Variants in ZCCHC2 observed in about 807,000 individuals in gnomAD.
ZCCHC2 encodes the protein zinc finger CCHC domain-containing protein 2.
Under a neutral mutation model 103.6 loss-of-function variants are expected in ZCCHC2, and 39 were observed. That is an observed-to-expected ratio of 0.38 (90% CI 0.29 to 0.49). The LOEUF (loss-of-function observed/expected upper bound fraction) is 0.49, where lower values mean the gene tolerates loss of function less well. Ranked by LOEUF, ZCCHC2 falls within the 20% of genes least tolerant of loss-of-function variation. ZCCHC2 has a pLI of 0.96. For missense variants in ZCCHC2, 1,483 were observed against 1,491.0 expected, an observed-to-expected ratio of 0.99 and a Z score of 0.09; for synonymous variants, 687 against 608.9, an observed-to-expected ratio of 1.13 and a Z score of -1.89.
Position 62,564,585 on chromosome 18 carries a change from A to G in ZCCHC2, c.1701A>G (p.Lys567=). 2 of 1,540,250 alleles carry G rather than the reference A, an allele frequency of 1.3e-6. No individual in the cohort carries two copies. The highest frequency in any genetic ancestry group is 1.2e-5 in the South Asian group (1 of 81,266). ...VTSADQHSAE[K]RSLSSINKKK... ...CTTTCTACTAGCATTCTGCTGAAAAACGGAGTTTATCTTCAATAAATAAGA... is the reference window on the plus strand; with the variant it reads ...CTTTCTACTAGCATTCTGCTGAAAAGCGGAGTTTATCTTCAATAAATAAGA... The change falls in exon 10 of 14, where the codon AAA becomes AAG. Residue 567 remains lysine (K), a synonymous_variant. Transcript: ENST00000269499.
intron 11 of ZCCHC2, among the ~76,000 whole-genome samples, chr18:62,565,429 G>A (rs1468335704): frequency 6.6e-6 from 1 of 152,126 alleles, no homozygotes; most frequent in Admixed American, 6.5e-5. Flanking sequence ...CTCTCCTGTG[G>A]CTTTGCCGGC....
chr18:62,540,188 T>A (rs1000380159), intron 2 of ZCCHC2, among the ~76,000 whole-genome samples: 1 of 152,196 alleles, frequency 6.6e-6, no homozygotes, highest in African/African-American at 2.4e-5. Context: ...TACTTACAAA[T>A]CCATTCTTCC....
rs1481518949 is a variant in ZCCHC2 at position 62,524,286 on chromosome 18, C to T, written c.862C>T (p.Arg288Cys). ...VTLREHLERL[R>C]AALRGGPEDA... ...CCTGAGGGAACACTTGGAGAGGCTCCGCGCCGCGCTCCGCGGGGGCCCCGA... is the reference window on the plus strand; with the variant it reads ...CCTGAGGGAACACTTGGAGAGGCTCTGCGCCGCGCTCCGCGGGGGCCCCGA... Residue 288 changes from arginine to cysteine, a missense_variant, in exon 1 of 14, where the codon CGC becomes TGC. Transcript: ENST00000269499. The T allele has an allele frequency of 1.3e-6, 2 of 1,548,804 alleles. No homozygotes were observed. The highest frequency in any genetic ancestry group is 1.2e-5 in the South Asian group (1 of 83,976).
chr18:62,526,557 G>A (rs1914405568), intron 1 of ZCCHC2, among the ~76,000 whole-genome samples: 1 of 152,192 alleles, frequency 6.6e-6, no homozygotes, highest in Non-Finnish European at 1.5e-5. Flanking sequence ...CCGCTGATGT[G>A]GGTGGGCTGA....
In ZCCHC2 at chr18:62,575,713, T is replaced by C. The variant is rs543547088; in HGVS notation, c.3469+163T>C. Among the ~76,000 whole-genome samples, 5 of 152,322 alleles carry C rather than the reference T, an allele frequency of 3.3e-5. 1 individual carries two copies. The South Asian group carries it at 1.0e-3, about 32-fold the overall frequency. On this transcript the variant is annotated intron_variant, in intron 13 of 13. Coordinates refer to ENST00000269499, the MANE Select transcript of ZCCHC2 (RefSeq NM_017742.6). Reference sequence around the variant, plus strand: ...TCATAAAATGCAACTGGAAAAACAGTGTAGACCCAGGTCACACAGAGCACA... The same window carrying C: ...TCATAAAATGCAACTGGAAAAACAGCGTAGACCCAGGTCACACAGAGCACA...
intron 4 of ZCCHC2, among the ~76,000 whole-genome samples, chr18:62,547,557 T>C (rs887320344): frequency 3.3e-5 from 5 of 151,618 alleles, no homozygotes; most frequent in African/African-American, 7.3e-5. Context: ...TTGTTTTTTT[T>C]TTTTCTTTTC....
At chr18:62,543,801 C>T (rs1945104595) in intron 3 of ZCCHC2, among the ~76,000 whole-genome samples, 1 of 152,214 alleles carries the variant, frequency 6.6e-6, no homozygotes, top group Non-Finnish European at 1.5e-5. Flanking sequence ...GATCTATCTC[C>T]TGCACTAGCC....
rs1324103286 is a variant in ZCCHC2, at chr18:62,574,460, A to G, written c.2379A>G (p.Leu793=). 4 of 1,613,710 alleles carry G rather than the reference A, an allele frequency of 2.5e-6. No homozygotes were observed. In the African/African-American group the frequency reaches 5.3e-5, roughly 22 times the overall value. Residue 793 remains leucine (L), a synonymous_variant, in exon 13 of 14, where the codon TTA becomes TTG. Transcript: ENST00000269499. The part of the protein sequence containing the change: ...EKHLELLASP[L]PIPSTFLPHS... ...ACCTTGAGTTACTGGCTTCCCCTTT[A>G]CCTATTCCATCAACCTTCCTTCCAC...
chr18:62,548,580 T>TA (rs899903186), intron 4 of ZCCHC2, among the ~76,000 whole-genome samples: 2 of 152,238 alleles, frequency 1.3e-5, no homozygotes, highest in Non-Finnish European at 2.9e-5. Flanking sequence ...CAGTCTGTAT[T>TA]AAAATGCTAA....
At chr18:62,580,662 C>G (rs60773550), downstream of ZCCHC2, among the ~76,000 whole-genome samples, 1 of 1,118 alleles carries the variant, frequency 8.9e-4, no homozygotes, top group African/African-American at 0.01. Flanking sequence ...TGTGGAAGGC[C>G]AGGTGGACCC....
chr18:62,543,065 C>T (rs1259767294), intron 3 of ZCCHC2, among the ~76,000 whole-genome samples: 1 of 152,150 alleles, frequency 6.6e-6, no homozygotes, highest in African/African-American at 2.4e-5. Context: ...CTTTGCATGT[C>T]TTCTTCTTGC....
At chr18:62,553,164 G>A (rs1277008674) in intron 5 of ZCCHC2, among the ~76,000 whole-genome samples, 5 of 80,150 alleles carry the variant, frequency 6.2e-5, no homozygotes, top group African/African-American at 2.0e-4. Flanking sequence ...TTATGTGTGT[G>A]TGTGTGTGTG....
chr18:62,523,376 G>GGGGGGCGCCC lies in ZCCHC2; in HGVS notation c.-49_-48insGGGGGCGCCC. On this transcript the variant is annotated 5_prime_UTR_variant, in exon 1 of 14. Transcript: ENST00000269499. The stretch of plus-strand genomic sequence containing the variant: ...GCCTCGGCCCGTGCTCCACCTCGCG[G>GGGGGGCGCCC]CCCCTCCCGCCCGCCCCCGCTCGCA... The GGGGGGCGCCC allele has an allele frequency of 9.9e-7, 1 of 1,012,356 alleles. No homozygotes were observed. Among genetic ancestry groups the GGGGGGCGCCC allele is most frequent in the Non-Finnish European group, 1.2e-6 (1 of 848,992 alleles). 62.7% of individuals were successfully genotyped at this position (1,012,356 alleles called of 1,614,324 possible). A position where few individuals can be genotyped will look rare whatever the true frequency, so the allele number is the denominator to read the frequency against.
intron 4 of ZCCHC2, among the ~76,000 whole-genome samples, chr18:62,546,460 G>A (rs1356334956): frequency 3.3e-5 from 5 of 152,258 alleles, no homozygotes; most frequent in South Asian, 2.1e-4. Context: ...AAGTGATCAC[G>A]AACAGGCTTC....
At chr18:62,533,525 A>AAAAAAAG (rs1203089587) in intron 1 of ZCCHC2, among the ~76,000 whole-genome samples, 21 of 151,932 alleles carry the variant, frequency 1.4e-4, no homozygotes, top group Non-Finnish European at 1.5e-4. Context: ...ACTTCGTCTC[A>AAAAAAAG]AAAAAAGAAA....
chr18:62,573,216 A>G (rs73963456), intron 12 of ZCCHC2, among the ~76,000 whole-genome samples: 2,974 of 152,258 alleles, frequency 0.02, 108 homozygotes, highest in African/African-American at 0.068. Context: ...ACTACATTTT[A>G]ATGGAATGGT....
chr18:62,575,020 C>A lies in ZCCHC2; in HGVS notation c.2939C>A (p.Thr980Asn). ...CCAAGCCCTGCCTTGACACACAGTACCGCGCAGAGTGACAGCACCTCTTAC... is the reference window on the plus strand; with the variant it reads ...CCAAGCCCTGCCTTGACACACAGTAACGCGCAGAGTGACAGCACCTCTTAC... ...PSPSPALTHS[T>N]AQSDSTSYIS... Residue 980 changes from threonine to asparagine, a missense_variant, in exon 13 of 14, where the codon ACC becomes AAC. Physicochemically the swap from Thr to Asn is moderately conservative, Grantham distance 65. Around this residue, in one of 3 missense-constraint regions of ZCCHC2, gnomAD observed 884 missense variants for 907.5 expected, o/e 0.97. Coordinates refer to ENST00000269499, the MANE Select transcript of ZCCHC2 (RefSeq NM_017742.6). 3.1e-6 allele frequency: 5 copies of A among 1,614,014 alleles called. No homozygotes were observed. In the South Asian group the frequency reaches 4.4e-5, roughly 14 times the overall value.
At chr18:62,543,164 G>A (rs556066614) in intron 3 of ZCCHC2, among the ~76,000 whole-genome samples, 2 of 152,152 alleles carry the variant, frequency 1.3e-5, no homozygotes, top group East Asian at 1.9e-4. Context: ...TGGATGGCAC[G>A]CACCCTGAAG....
At chr18:62,549,329 A>G (rs1478990577) in intron 4 of ZCCHC2, among the ~76,000 whole-genome samples, 1 of 152,232 alleles carries the variant, frequency 6.6e-6, no homozygotes, top group Non-Finnish European at 1.5e-5. Context: ...AAGGGACTTC[A>G]TTCTGACAGA....
Sources: allele counts gnomAD v4.1 joint callset (sites outside exome capture counted in the v4.1 genomes callset), GRCh38; gene constraint gnomAD v4.1.1; regional missense constraint gnomAD v4.1.1; transcripts MANE v1.5; gene names NCBI Gene and HGNC (gene_info 2026-07-23, HGNC 2026-07-21).